The following FBXO34 variants were observed in gnomAD, a reference collection of about 807,000 sequenced individuals.
The protein encoded by FBXO34 is F-box only protein 34.
Under a neutral mutation model 24.5 loss-of-function variants are expected in FBXO34, and 12 were observed. That is an observed-to-expected ratio of 0.49 (90% CI 0.31 to 0.79). The LOEUF is 0.79. FBXO34 is among the 30% of genes least tolerant of loss of function. FBXO34 has a pLI of 0.04. For synonymous variants in FBXO34, 320 were observed against 311.9 expected (o/e 1.03, Z -0.27); for missense variants, 823 against 857.7 (o/e 0.96, Z 0.51).
chr14:55,369,999 A>G, downstream of FBXO34: 1 of 1,452,510 alleles, frequency 6.9e-7, no homozygotes, highest in South Asian at 1.4e-5. Context: ...ATCTTCCTGA[A>G]GGCCCTCACC....
intron 1 of FBXO34, among the ~76,000 whole-genome samples, chr14:55,323,225 ATTTTTTTTT>A (rs1194283087): frequency 5.2e-5 from 1 of 19,204 alleles, no homozygotes; most frequent in Non-Finnish European, 7.0e-5. Context: ...AAAAATATAT[ATTTTTTTTT>A]TTTTTTTTTT....
intron 1 of FBXO34, among the ~76,000 whole-genome samples, chr14:55,297,169 T>C (rs1306801533): frequency 6.6e-6 from 1 of 152,230 alleles, no homozygotes; most frequent in Non-Finnish European, 1.5e-5. Context: ...CATATATGTC[T>C]GCAGCTCTAT....
chr14:55,276,554 G>A (rs1428258923), intron 1 of FBXO34, among the ~76,000 whole-genome samples: 2 of 152,046 alleles, frequency 1.3e-5, no homozygotes, highest in Non-Finnish European at 1.5e-5. Flanking sequence ...TTTATTAGCC[G>A]GCGACCGAGA....
At chr14:55,439,414 G>C in the FBXO34 span, among the ~76,000 whole-genome samples, 2 of 152,038 alleles carry the variant, frequency 1.3e-5, no homozygotes, top group African/African-American at 2.4e-5. Flanking sequence ...GGGGCTCTCT[G>C]TTTCCCCTGT....
intron 1 of FBXO34, among the ~76,000 whole-genome samples, chr14:55,331,524 G>A (rs1472441015): frequency 1.4e-5 from 2 of 146,906 alleles, no homozygotes; most frequent in South Asian, 2.1e-4. Context: ...TTTGGTTAGA[G>A]TTTGGAAAAC....
chr14:55,413,597 G>GCTCCC, the FBXO34 span: 1 of 442,266 alleles, frequency 2.3e-6, no homozygotes, highest in Admixed American at 2.5e-5. Context: ...AGCAGCCCAG[G>GCTCCC]CTCCCTCCAT....
intron 1 of FBXO34, among the ~76,000 whole-genome samples, chr14:55,339,813 G>GT (rs1348154365): frequency 6.6e-6 from 1 of 152,158 alleles, no homozygotes; most frequent in Non-Finnish European, 1.5e-5. Flanking sequence ...TCTAAACAGA[G>GT]TATACCTTAA....
chr14:55,296,340 G>A (rs1882119522), intron 1 of FBXO34, among the ~76,000 whole-genome samples: 1 of 149,852 alleles, frequency 6.7e-6, no homozygotes, highest in Non-Finnish European at 1.5e-5. Flanking sequence ...ATTTAGTGAA[G>A]GAGTAGAGGG....
the FBXO34 span, among the ~76,000 whole-genome samples, chr14:55,392,508 G>C: frequency 6.6e-6 from 1 of 152,050 alleles, no homozygotes; most frequent in African/African-American, 2.4e-5. Context: ...AATTAGCCAG[G>C]TGTGGTGACA....
chr14:55,426,772 G>A, the FBXO34 span, among the ~76,000 whole-genome samples: 3 of 152,136 alleles, frequency 2.0e-5, no homozygotes, highest in Non-Finnish European at 2.9e-5. Context: ...TGTCCCAGGA[G>A]GAAGATAGAA....
chr14:55,304,497 C>G (rs1002618565), intron 1 of FBXO34, among the ~76,000 whole-genome samples: 3 of 151,662 alleles, frequency 2.0e-5, no homozygotes, highest in Non-Finnish European at 2.9e-5. Flanking sequence ...CAGCCAGTCC[C>G]TCACCCTGCT....
the FBXO34 span, chr14:55,413,944 A>C: frequency 2.0e-6 from 1 of 497,622 alleles, no homozygotes; most frequent in Non-Finnish European, 4.0e-6. Flanking sequence ...GATGTCTACA[A>C]TATCACCTTT....
chr14:55,439,447 C>T, the FBXO34 span, among the ~76,000 whole-genome samples: 2 of 152,050 alleles, frequency 1.3e-5, no homozygotes, highest in East Asian at 3.9e-4. Flanking sequence ...CCGTGGGAAC[C>T]TGAAGTCACT....
chr14:55,281,784 C>G (rs142642816), intron 1 of FBXO34, among the ~76,000 whole-genome samples: 1 of 152,242 alleles, frequency 6.6e-6, no homozygotes, highest in African/African-American at 2.4e-5. Flanking sequence ...TATACTGTTG[C>G]TTGTTGCTCT....
chr14:55,426,874 C>G, the FBXO34 span, among the ~76,000 whole-genome samples: 1 of 152,208 alleles, frequency 6.6e-6, no homozygotes, highest in African/African-American at 2.4e-5. Context: ...GGCACCTATT[C>G]TAGACTTAGA....
At chr14:55,424,472 T>G in the FBXO34 span, among the ~76,000 whole-genome samples, 1 of 152,198 alleles carries the variant, frequency 6.6e-6, no homozygotes, top group East Asian at 1.9e-4. Context: ...ATAACACAAG[T>G]GCAAGCTATC....
chr14:55,294,304 A>T (rs1022440134), intron 1 of FBXO34, among the ~76,000 whole-genome samples: 23 of 151,426 alleles, frequency 1.5e-4, no homozygotes, highest in African/African-American at 3.9e-4. Flanking sequence ...AATTATTATT[A>T]TTTTTTTTGA....
chr14:55,396,273 A>C, the FBXO34 span, among the ~76,000 whole-genome samples: 4 of 152,258 alleles, frequency 2.6e-5, no homozygotes, highest in Non-Finnish European at 5.9e-5. Flanking sequence ...GCCATCCGTC[A>C]TAATTCATAG....
At chr14:55,364,727 CT>C (rs534426436), downstream of FBXO34, among the ~76,000 whole-genome samples, 12,917 of 129,542 alleles carry the variant, frequency 0.1, 523 homozygotes, top group African/African-American at 0.17. Context: ...CAGTGCCCAA[CT>C]TTTTTTTTTT....
Sources: gnomAD v4.1 joint callset for allele counts (sites outside exome capture counted in the v4.1 genomes callset) on GRCh38, gnomAD v4.1.1 for gene constraint, MANE v1.5 for transcripts, NCBI Gene and HGNC (gene_info 2026-07-23, HGNC 2026-07-21) for gene names.